Variants in TFB1M observed in about 807,000 individuals in gnomAD.
TFB1M encodes the protein transcription factor B1, mitochondrial.
TFB1M carries 27 observed loss-of-function variants against 31.1 expected under a neutral mutation model. The ratio of observed to expected loss-of-function variants is 0.87; its 90% confidence interval spans 0.64 to 1.20. The LOEUF is 1.20. TFB1M is among the 50% of genes most tolerant of loss of function. TFB1M has a pLI of 0.00. For missense variants in TFB1M, 394 were observed against 418.7 expected (o/e 0.94, Z 0.51); for synonymous variants, 166 against 151.8 (o/e 1.09, Z -0.69).
rs931406879 is a variant in TFB1M at position 155,314,453 on chromosome 6, C to T, written c.-25G>A. On this transcript the variant is annotated 5_prime_UTR_variant, in exon 1 of 7. Coordinates refer to ENST00000367166, the MANE Select transcript of TFB1M (RefSeq NM_016020.4). ...TGATACGCGGCAAGCACCATCCAAC[C>T]CTACCTCACCCAGGACCTTCACCGC... is the stretch of plus-strand genomic sequence containing the variant. 10 of 1,613,714 alleles carry T rather than the reference C, an allele frequency of 6.2e-6. No individual in the cohort carries two copies. The African/African-American group carries it at 8.0e-5, about 13-fold the overall frequency.
In TFB1M at chr6:155,257,046, A is replaced by C. The variant is rs748478638; in HGVS notation, c.*790T>G. 6.2e-7 allele frequency: 1 copy of C among 1,614,192 alleles called. No individual in the cohort carries two copies. Among genetic ancestry groups the C allele is most frequent in the Admixed American group, 1.7e-5 (1 of 60,030 alleles). ...ACCTAAATTCTGTTCTAGAGCGAGA[A>C]TTCAGTGTCCAGAGTTTAACATCTG... On this transcript the variant is annotated 3_prime_UTR_variant, in exon 7 of 7. Transcript: ENST00000367166.
intron 5 of TFB1M, among the ~76,000 whole-genome samples, chr6:155,265,183 GCT>G (rs1784572303): frequency 6.6e-6 from 1 of 152,172 alleles, no homozygotes; most frequent in Non-Finnish European, 1.5e-5. Context: ...CAGCTTCGAG[GCT>G]GCCCAGCCGG....
rs147006680 is a variant in TFB1M at position 155,302,948 on chromosome 6, C to T, written c.286-4363G>A. On this transcript the variant is annotated intron_variant, in intron 2 of 6. Transcript: ENST00000367166. ...GGTGGCAGCAAGGAAAAGTGCCAAGCAAAAGGGAGAAATGCCCCTTATAAA... is the reference window on the plus strand; with the variant it reads ...GGTGGCAGCAAGGAAAAGTGCCAAGTAAAAGGGAGAAATGCCCCTTATAAA... Among the ~76,000 whole-genome samples the T allele has an allele frequency of 7.8e-4, 118 of 152,152 alleles. No individual in the cohort carries two copies. The South Asian group carries it at 0.016, about 20-fold the overall frequency.
chr6:155,314,178 C>A, intron 1 of TFB1M, 118 bp downstream of exon 1: 3 of 1,549,080 alleles, frequency 1.9e-6, no homozygotes, highest in Non-Finnish European at 2.6e-6. Context: ...AGGACCTGAC[C>A]AAAAGCCCGT....
At chr6:155,253,672 C>T (rs1783814362), downstream of TFB1M, 2 of 270,770 alleles carry the variant, frequency 7.4e-6, no homozygotes, top group Non-Finnish European at 1.4e-5. Context: ...GGCAAAACTG[C>T]AAAGGAGGTT....
At chr6:155,296,647 C>T (rs1777189169) in intron 4 of TFB1M, among the ~76,000 whole-genome samples, 2 of 144,792 alleles carry the variant, frequency 1.4e-5, no homozygotes, top group Non-Finnish European at 1.5e-5. Flanking sequence ...ACGTGCCAAT[C>T]CTGGGTATGG....
intron 5 of TFB1M, among the ~76,000 whole-genome samples, chr6:155,261,277 C>T (rs1321093068): frequency 6.6e-6 from 1 of 152,220 alleles, no homozygotes; most frequent in African/African-American, 2.4e-5. Context: ...AAGCCTCAGT[C>T]TCCAGGAATT....
At chr6:155,262,115 G>A (rs918802847) in intron 5 of TFB1M, among the ~76,000 whole-genome samples, 8 of 152,082 alleles carry the variant, frequency 5.3e-5, no homozygotes, top group African/African-American at 1.9e-4. Flanking sequence ...AGGGAAAGAG[G>A]GACTGAAGAA....
intron 5 of TFB1M, among the ~76,000 whole-genome samples, chr6:155,280,598 G>A (rs1273154815): frequency 6.6e-6 from 1 of 152,154 alleles, no homozygotes; most frequent in Non-Finnish European, 1.5e-5. Context: ...ATCTCAATCT[G>A]ATTCTAGGAG....
At position 155,291,878 on chromosome 6, in the gene TFB1M, A is replaced by C. The variant is rs41334651; in HGVS notation, c.546+5075T>G. 0.02 allele frequency among the ~76,000 whole-genome samples: 3,029 copies of C among 152,322 alleles called. 263 individuals are homozygous for C. In the East Asian group the frequency reaches 0.28, roughly 14 times the overall value. On this transcript the variant is annotated intron_variant, in intron 4 of 6. Transcript: ENST00000367166. ...CTAAGAAATGAAATTCTTATGATAC[A>C]CTCAAATTATCTGAGAGGAAGGCAT...
intron 4 of TFB1M, among the ~76,000 whole-genome samples, chr6:155,285,684 G>A (rs1776596018): frequency 6.6e-6 from 1 of 152,108 alleles, no homozygotes. Context: ...CCCAATATAT[G>A]AATGAACATT....
intron 2 of TFB1M, among the ~76,000 whole-genome samples, chr6:155,300,393 A>G (rs1286783191): frequency 2.0e-5 from 3 of 152,218 alleles, no homozygotes; most frequent in African/African-American, 7.2e-5. Context: ...TCCAGGCAAT[A>G]AATCTTGGAA....
At chr6:155,303,672 T>C (rs1439105982) in intron 2 of TFB1M, among the ~76,000 whole-genome samples, 1 of 152,222 alleles carries the variant, frequency 6.6e-6, no homozygotes, top group Non-Finnish European at 1.5e-5. Flanking sequence ...AACTTCATTA[T>C]CTCTAACTAA....
At chr6:155,234,392 G>A in the TFB1M span, among the ~76,000 whole-genome samples, 46 of 152,156 alleles carry the variant, frequency 3.0e-4, no homozygotes, top group African/African-American at 1.0e-3. Flanking sequence ...CCTCAGCATC[G>A]TTAGTGGCTG....
At chr6:155,267,024 C>T (rs112187332) in intron 5 of TFB1M, among the ~76,000 whole-genome samples, 2,935 of 144,184 alleles carry the variant, frequency 0.02, 44 homozygotes, top group African/African-American at 0.031. Flanking sequence ...GGCTGGAGTG[C>T]AGTGCAGTGG....
intron 5 of TFB1M, chr6:155,264,140 C>T (rs1784516915): frequency 6.6e-6 from 1 of 152,202 alleles, no homozygotes; most frequent in Admixed American, 6.5e-5. Context: ...AGCCACTTCA[C>T]TGTCGGGTAA....
chr6:155,297,594 T>A (rs1458314427), intron 3 of TFB1M, among the ~76,000 whole-genome samples: 2 of 152,080 alleles, frequency 1.3e-5, no homozygotes, highest in African/African-American at 2.4e-5. Flanking sequence ...AACAACAATC[T>A]GTACAAAGTG....
chr6:155,266,516 C>T (rs1322395148), intron 5 of TFB1M, among the ~76,000 whole-genome samples: 2 of 152,156 alleles, frequency 1.3e-5, no homozygotes, highest in Admixed American at 1.3e-4. Flanking sequence ...GATGAAAAGC[C>T]AGATACAAAC....
chr6:155,259,282 ATC>A (rs1304754007), intron 6 of TFB1M, among the ~76,000 whole-genome samples: 1 of 152,226 alleles, frequency 6.6e-6, no homozygotes, highest in East Asian at 1.9e-4. Context: ...GGCCAGTGGC[ATC>A]TCTGTCACCA....
Sources: allele counts gnomAD v4.1 joint callset (sites outside exome capture counted in the v4.1 genomes callset), GRCh38; gene constraint gnomAD v4.1.1; transcripts MANE v1.5; gene names NCBI Gene and HGNC (gene_info 2026-07-23, HGNC 2026-07-21).